TTC7B: variants seen among roughly 807,000 people sequenced by gnomAD.
The protein encoded by TTC7B is tetratricopeptide repeat domain 7B.
In TTC7B, 28 loss-of-function variants were observed where a neutral mutation model predicts 106.8. The observed-to-expected ratio is 0.26, with a 90% CI of 0.19 to 0.36. The LOEUF is 0.36. TTC7B is among the 10% of genes least tolerant of loss of function. The pLI is 1.00. For synonymous variants in TTC7B, 405 were observed against 430.6 expected (o/e 0.94, Z 0.74); for missense variants, 862 against 1,076.4 (o/e 0.80, Z 2.79).
chr14:90,744,816 G>C lies in TTC7B; in HGVS notation c.552C>G (p.Leu184=). The change falls in exon 4 of 20, where the codon CTC becomes CTG. Residue 184 remains leucine (L), a synonymous_variant. Transcript: ENST00000328459. ...CCCTTTCTATCTCTTGGAGATACAG[G>C]AGTGCGATGTCCCCTGCTTTCTCAT... ...TCYEKAGDIA[L]LYLQEIERVI... is the part of the protein sequence containing the mutation. 6.2e-6 allele frequency: 10 copies of C among 1,614,070 alleles called. No homozygotes were observed. Among genetic ancestry groups the C allele is most frequent in the Non-Finnish European group, 8.5e-6 (10 of 1,179,994 alleles).
chr14:90,783,095 G>T (rs891767670), intron 2 of TTC7B, among the ~76,000 whole-genome samples: 1 of 152,230 alleles, frequency 6.6e-6, no homozygotes, highest in Non-Finnish European at 1.5e-5. Context: ...AAACAGCTTG[G>T]CCAGGGCGCC....
chr14:90,554,457 C>T (rs1890217328), intron 19 of TTC7B, among the ~76,000 whole-genome samples: 1 of 152,232 alleles, frequency 6.6e-6, no homozygotes, highest in African/African-American at 2.4e-5. Context: ...CACTCTGCTC[C>T]AACCAAAGCC....
intron 3 of TTC7B, among the ~76,000 whole-genome samples, chr14:90,774,270 CAG>C (rs994611096): frequency 2.0e-5 from 3 of 152,174 alleles, no homozygotes; most frequent in Admixed American, 1.3e-4. Flanking sequence ...GGAGGGGAAA[CAG>C]AGAGGAAGAA....
In TTC7B at chr14:90,651,890, G is replaced by A. The variant is rs931742176; in HGVS notation, c.1517+951C>T. The stretch of plus-strand genomic sequence containing the variant: ...CCCAGTTCTAAGGAAAGAGTCTAAC[G>A]AAGCTTGTCAGGTATTGGGAAGGCC... On this transcript the variant is annotated intron_variant, in intron 13 of 19. Transcript: ENST00000328459. 4.6e-5 allele frequency among the ~76,000 whole-genome samples: 7 copies of A among 152,172 alleles called. 1 individual carries two copies. The highest frequency in any genetic ancestry group is 1.3e-4 in the Admixed American group (2 of 15,278).
chr14:90,773,586 C>T (rs1470743034), intron 3 of TTC7B, among the ~76,000 whole-genome samples: 1 of 152,216 alleles, frequency 6.6e-6, no homozygotes, highest in African/African-American at 2.4e-5. Context: ...GACTCTCCAT[C>T]AGCGCTCAAT....
At chr14:90,812,552 C>T (rs1009801575) in intron 1 of TTC7B, among the ~76,000 whole-genome samples, 1 of 152,114 alleles carries the variant, frequency 6.6e-6, no homozygotes, top group Admixed American at 6.5e-5. Flanking sequence ...CACAGGTTCC[C>T]GGTGGTGCCC....
chr14:90,767,684 T>C (rs1890735517), intron 3 of TTC7B, among the ~76,000 whole-genome samples: 1 of 152,142 alleles, frequency 6.6e-6, no homozygotes, highest in South Asian at 2.1e-4. Context: ...TCTTGTGTTA[T>C]ATGACAGCAG....
At chr14:90,800,745 A>G (rs1278721060) in intron 1 of TTC7B, among the ~76,000 whole-genome samples, 2 of 152,058 alleles carry the variant, frequency 1.3e-5, no homozygotes, top group Non-Finnish European at 2.9e-5. Context: ...TGGGAGGCGG[A>G]GCTTGCAGTG....
At chr14:90,740,494 C>CTTTTTTTTTTTTT (rs71461924) in intron 4 of TTC7B, among the ~76,000 whole-genome samples, 1 of 78,314 alleles carries the variant, frequency 1.3e-5, no homozygotes, top group Admixed American at 2.1e-4. Flanking sequence ...AATTCTTTGA[C>CTTTTTTTTTTTTT]TTTTTTTTTT....
At chr14:90,661,566 G>A (rs1019431218) in intron 9 of TTC7B, among the ~76,000 whole-genome samples, 1 of 150,360 alleles carries the variant, frequency 6.7e-6, no homozygotes, top group Non-Finnish European at 1.5e-5. Flanking sequence ...AGGAGGAGGA[G>A]ATGAGAATGA....
intron 1 of TTC7B, among the ~76,000 whole-genome samples, chr14:90,800,334 T>C (rs1469432357): frequency 6.6e-6 from 1 of 152,126 alleles, no homozygotes; most frequent in African/African-American, 2.4e-5. Context: ...AAGATTAAAC[T>C]GGAGGTGTGG....
rs189638905 is a variant in TTC7B, at chr14:90,705,805, C to T, written c.699-10227G>A. Among the ~76,000 whole-genome samples, 16 of 152,252 alleles carry T rather than the reference C, an allele frequency of 1.1e-4. No individual in the cohort carries two copies. In the East Asian group the frequency reaches 3.1e-3, roughly 29 times the overall value. ...GTCCACTTTTTTTCACTTGACGATT[C>T]TTCAAAATCGCTCCTACTTTACACC... On this transcript the variant is annotated intron_variant, in intron 5 of 19. Transcript: ENST00000328459.
intron 7 of TTC7B, among the ~76,000 whole-genome samples, chr14:90,681,353 A>C (rs1295536575): frequency 6.6e-6 from 1 of 152,160 alleles, no homozygotes; most frequent in African/African-American, 2.4e-5. Context: ...GAGTGCAATA[A>C]ATAAAAATGA....
At chr14:90,656,944 C>T (rs1885970044) in intron 11 of TTC7B, among the ~76,000 whole-genome samples, 1 of 152,142 alleles carries the variant, frequency 6.6e-6, no homozygotes, top group East Asian at 1.9e-4. Context: ...AGCACAATCC[C>T]ATAGGAAAAA....
At position 90,608,870 on chromosome 14, in the gene TTC7B, G is replaced by C. The variant is rs1310660916; in HGVS notation, c.1966+1872C>G. Among the ~76,000 whole-genome samples, 1 of 152,232 alleles carries C rather than the reference G, an allele frequency of 6.6e-6. No individual in the cohort carries two copies. Among genetic ancestry groups the C allele is most frequent in the Non-Finnish European group, 1.5e-5 (1 of 68,028 alleles). On this transcript the variant is annotated intron_variant, in intron 17 of 19. Coordinates refer to ENST00000328459, the MANE Select transcript of TTC7B (RefSeq NM_001010854.2). This position sits in a 1 kb window ranked among gnomAD's most constrained non-coding sequence, Gnocchi z 5.1. ...TCCAGGGAAATTAAGGTCCAGGCCA[G>C]CTGGAAGGAAAGGGGGTCTGAATTT...
chr14:90,635,779 T>A (rs754963368), intron 15 of TTC7B, among the ~76,000 whole-genome samples: 3 of 133,834 alleles, frequency 2.2e-5, no homozygotes, highest in Admixed American at 7.9e-5. Context: ...AAAAAAAAAT[T>A]ATCTATATAT....
At chr14:90,587,890 A>G (rs1222431803) in intron 18 of TTC7B, among the ~76,000 whole-genome samples, 1 of 152,198 alleles carries the variant, frequency 6.6e-6, no homozygotes, top group African/African-American at 2.4e-5. Context: ...AAGTGACCTG[A>G]TAGCTGTGTC....
At chr14:90,669,648 T>C (rs1253641872) in intron 9 of TTC7B, among the ~76,000 whole-genome samples, 1 of 151,804 alleles carries the variant, frequency 6.6e-6, no homozygotes, top group African/African-American at 2.4e-5. Flanking sequence ...AAAGAAGATA[T>C]ACAAATGGCC....
At chr14:90,635,305 AAAAG>A (rs1041407265) in intron 15 of TTC7B, among the ~76,000 whole-genome samples, 1 of 152,190 alleles carries the variant, frequency 6.6e-6, no homozygotes, top group African/African-American at 2.4e-5. Flanking sequence ...TAATCGATCT[AAAAG>A]AAAGCAGAAA....
Sources: gnomAD v4.1 joint callset for allele counts (sites outside exome capture counted in the v4.1 genomes callset) on GRCh38, gnomAD v4.1.1 for gene constraint, Gnocchi (gnomAD v3.1) non-coding constraint, MANE v1.5 for transcripts, NCBI Gene and HGNC (gene_info 2026-07-23, HGNC 2026-07-21) for gene names.